Variants in PAM observed in about 807,000 individuals in gnomAD.
PAM encodes the protein peptidylglycine alpha-amidating monooxygenase, also known as peptidyl-glycine alpha-amidating monooxygenase.
In PAM, 72 loss-of-function variants were observed where a neutral mutation model predicts 122.1. The observed-to-expected ratio is 0.59, with a 90% confidence interval of 0.49 to 0.72. The LOEUF (loss-of-function observed/expected upper bound fraction) is 0.72, where lower values mean the gene tolerates loss of function less well. Ranked by LOEUF, PAM falls within the 30% of genes least tolerant of loss-of-function variation. PAM has a pLI of 0.00. For synonymous variants in PAM, 389 were observed against 404.4 expected (o/e 0.96, Z 0.46); for missense variants, 1,106 against 1,183.7 (o/e 0.93, Z 0.96).
intron 7 of PAM, among the ~76,000 whole-genome samples, chr5:102,927,241 T>C (rs907384191): frequency 1.3e-5 from 2 of 152,182 alleles, no homozygotes; most frequent in African/African-American, 4.8e-5. Flanking sequence ...CTATGCACTT[T>C]ATTTAAATGC....
intron 1 of PAM, among the ~76,000 whole-genome samples, chr5:102,835,547 T>C (rs1776784129): frequency 1.3e-5 from 2 of 152,068 alleles, no homozygotes; most frequent in Non-Finnish European, 2.9e-5. Context: ...GAAAAAAGTA[T>C]ACAAAAACTG....
In PAM at chr5:102,804,337, C is replaced by T. The variant is rs114952620; in HGVS notation, c.-374+48989C>T. 6.9e-3 allele frequency among the ~76,000 whole-genome samples: 1,055 copies of T among 151,888 alleles called. 9 individuals are homozygous for T. The highest frequency in any genetic ancestry group is 0.013 in the Non-Finnish European group (881 of 67,936). ...GTGATATATAGAATTATTAAAGGGG[C>T]GAGACACTGGAGTCAGGGAAGCCAG... On this transcript the variant is annotated intron_variant, in intron 1 of 25. Coordinates refer to ENST00000438793, the MANE Select transcript of PAM (RefSeq NM_001177306.2).
At chr5:102,977,805 A>C (rs1383957709) in intron 15 of PAM, among the ~76,000 whole-genome samples, 1 of 152,032 alleles carries the variant, frequency 6.6e-6, no homozygotes, top group Admixed American at 6.6e-5. Flanking sequence ...CAGGTACCCG[A>C]CTGCCTGGTG....
intron 12 of PAM, among the ~76,000 whole-genome samples, chr5:102,956,332 TACAC>T (rs1760740574): frequency 6.6e-6 from 1 of 152,154 alleles, no homozygotes; most frequent in African/African-American, 2.4e-5. Context: ...TGTATACTCT[TACAC>T]ATATATGCAT....
At chr5:102,980,847 A>C (rs1228520709) in intron 15 of PAM, among the ~76,000 whole-genome samples, 2 of 152,222 alleles carry the variant, frequency 1.3e-5, no homozygotes, top group African/African-American at 4.8e-5. Context: ...TGCAAAGACA[A>C]TTTAAAATAA....
Position 102,924,433 on chromosome 5 carries a change from C to CAA in PAM, c.357-507_357-506dup, listed in dbSNP as rs989089756. On this transcript the variant is annotated intron_variant, in intron 5 of 25. Transcript: ENST00000438793. ...GGGCAACAAGAGTGAAACTCCGTCT[C>CAA]AAAAAAAAAAAAAAAAAACAAAAAA... 5.6e-3 allele frequency among the ~76,000 whole-genome samples: 290 copies of CAA among 52,050 alleles called. 4 individuals are homozygous for CAA. Among genetic ancestry groups the CAA allele is most frequent in the Middle Eastern group, 0.022 (2 of 92 alleles). 34.1% of individuals were successfully genotyped at this position (52,050 alleles called of 152,430 possible). A position where few individuals can be genotyped will look rare whatever the true frequency, so the allele number is the denominator to read the frequency against.
chr5:103,009,626 T>C, intron 20 of PAM, 125 bp from the exon 21 acceptor site: 1 of 600,676 alleles, frequency 1.7e-6, no homozygotes, highest in South Asian at 1.8e-5. Flanking sequence ...TATATTCTAC[T>C]TTTGTTGCCA....
At chr5:103,002,972 A>C in intron 16 of PAM, 61 bp from the exon 17 acceptor site, 1 of 796,446 alleles carries the variant, frequency 1.3e-6, no homozygotes, top group Non-Finnish European at 2.3e-6. Context: ...AATGGTCTGC[A>C]TTTCTCAATT....
intron 24 of PAM, among the ~76,000 whole-genome samples, chr5:103,026,925 G>A (rs1785105662): frequency 6.6e-6 from 1 of 152,166 alleles, no homozygotes; most frequent in Non-Finnish European, 1.5e-5. Flanking sequence ...TCTCCTGTTT[G>A]TTGTTAAGCA....
At chr5:103,024,061 C>T (rs1163018233) in intron 23 of PAM, among the ~76,000 whole-genome samples, 1 of 152,114 alleles carries the variant, frequency 6.6e-6, no homozygotes. Flanking sequence ...CTTCTTGAGG[C>T]TTTACAATGC....
At chr5:102,763,875 G>T (rs1180525608) in intron 1 of PAM, among the ~76,000 whole-genome samples, 6 of 152,192 alleles carry the variant, frequency 3.9e-5, no homozygotes, top group Non-Finnish European at 7.3e-5. Context: ...AGTGTTTTAG[G>T]TCGGAGCTGG....
intron 14 of PAM, among the ~76,000 whole-genome samples, chr5:102,961,881 G>A (rs1256649303): frequency 6.6e-6 from 1 of 151,932 alleles, no homozygotes; most frequent in African/African-American, 2.4e-5. Context: ...CAGTTGTTTG[G>A]AAGGTAGTGC....
chr5:103,014,938 G>T (rs1178446788), intron 21 of PAM, among the ~76,000 whole-genome samples: 1 of 152,042 alleles, frequency 6.6e-6, no homozygotes, highest in Admixed American at 6.6e-5. Flanking sequence ...GTCGTCTTCT[G>T]TGTGGCAGCT....
chr5:102,803,602 C>A (rs1765461317), intron 1 of PAM, among the ~76,000 whole-genome samples: 3 of 152,184 alleles, frequency 2.0e-5, no homozygotes, highest in Middle Eastern at 6.8e-3. Context: ...ACCATGGAAT[C>A]ATTTTGAGCC....
intron 3 of PAM, among the ~76,000 whole-genome samples, chr5:102,897,712 T>C (rs1369181318): frequency 1.3e-5 from 2 of 151,608 alleles, no homozygotes; most frequent in Non-Finnish European, 3.0e-5. Flanking sequence ...CTTTGTGTCA[T>C]CACATTGAAT....
intron 15 of PAM, among the ~76,000 whole-genome samples, chr5:102,986,181 G>A (rs1771756347): frequency 6.6e-6 from 1 of 152,124 alleles, no homozygotes; most frequent in Non-Finnish European, 1.5e-5. Context: ...TAAGACAAAG[G>A]ATGGCCACTT....
At chr5:102,784,049 A>T (rs374765378) in intron 1 of PAM, among the ~76,000 whole-genome samples, 1 of 152,052 alleles carries the variant, frequency 6.6e-6, no homozygotes, top group African/African-American at 2.4e-5. Flanking sequence ...GCCCGCCACC[A>T]CGCCCAGCTA....
At chr5:102,884,531 A>G (rs1792335269) in intron 3 of PAM, among the ~76,000 whole-genome samples, 1 of 151,984 alleles carries the variant, frequency 6.6e-6, no homozygotes, top group Non-Finnish European at 1.5e-5. Context: ...GTGGAAGGCA[A>G]CCATGCATAT....
intron 23 of PAM, among the ~76,000 whole-genome samples, chr5:103,021,549 G>A (rs1783548893): frequency 6.6e-6 from 1 of 152,114 alleles, no homozygotes; most frequent in Non-Finnish European, 1.5e-5. Context: ...CAATTGGTCA[G>A]AAACCTTCCG....
Sources: gnomAD v4.1 joint callset for allele counts (sites outside exome capture counted in the v4.1 genomes callset) on GRCh38, gnomAD v4.1.1 for gene constraint, MANE v1.5 for transcripts, NCBI Gene and HGNC (gene_info 2026-07-23, HGNC 2026-07-21) for gene names.